The following FRMPD3 variants were observed in gnomAD, a reference collection of about 807,000 sequenced individuals.
FRMPD3 encodes FERM and PDZ domain containing 3.
A neutral mutation model predicts 97.9 loss-of-function variants in FRMPD3; 42 were observed. The ratio of observed to expected loss-of-function variants is 0.43; its 90% CI spans 0.34 to 0.55. The LOEUF is 0.55. FRMPD3 is among the 20% of genes least tolerant of loss of function. The probability of loss-of-function intolerance (pLI) is 0.03; values close to 1 mark genes in which losing one functional copy is unlikely to be tolerated. For missense variants in FRMPD3, 1,303 were observed against 1,457.7 expected (o/e 0.89, Z 1.73); for synonymous variants, 577 against 581.1 (o/e 0.99, Z 0.10).
chrX:107,596,143 T>C (rs1465288253), intron 13 of FRMPD3, among the ~76,000 whole-genome samples: 1 of 110,932 alleles, frequency 9.0e-6, no homozygotes, highest in Non-Finnish European at 1.9e-5. Flanking sequence ...ATTGACTCTG[T>C]CAAACTGGAG....
intron 1 of FRMPD3, among the ~76,000 whole-genome samples, chrX:107,471,463 C>T (rs961626989): frequency 9.0e-6 from 1 of 111,098 alleles, no homozygotes; most frequent in East Asian, 2.8e-4. Flanking sequence ...CGCCATCCCC[C>T]CAACAGGCCC....
At chrX:107,580,845 T>A (rs1923348632) in intron 13 of FRMPD3, among the ~76,000 whole-genome samples, 1 of 110,880 alleles carries the variant, frequency 9.0e-6, no homozygotes. Flanking sequence ...CCAACCCCAC[T>A]CATTGATTCT....
intron 13 of FRMPD3, among the ~76,000 whole-genome samples, chrX:107,590,176 A>C (rs1000017439): frequency 2.7e-5 from 3 of 111,944 alleles, no homozygotes; most frequent in Non-Finnish European, 3.8e-5. Context: ...TACAAAAAAA[A>C]CTGATTTTTT....
chrX:107,523,003 C>T (rs1922565086), intron 1 of FRMPD3, among the ~76,000 whole-genome samples: 1 of 111,567 alleles, frequency 9.0e-6, no homozygotes, highest in Admixed American at 9.5e-5. Context: ...AGAAGCCAAA[C>T]ATCTTTCAAA....
chrX:107,582,852 CTT>C (rs1300290630), intron 13 of FRMPD3, among the ~76,000 whole-genome samples: 1 of 111,492 alleles, frequency 9.0e-6, no homozygotes, highest in Non-Finnish European at 1.9e-5. Flanking sequence ...TTCTGGGTCT[CTT>C]GTGATTCTAT....
At chrX:107,525,796 C>T in intron 1 of FRMPD3, 2 of 455,251 alleles carry the variant, frequency 4.4e-6, no homozygotes, top group Non-Finnish European at 7.9e-6. Flanking sequence ...TCAAGATGAG[C>T]CAGGCATGGT....
At chrX:107,480,895 G>GGAAGGAAGGAAGGAAGGAAA in intron 1 of FRMPD3, among the ~76,000 whole-genome samples, 1 of 60,601 alleles carries the variant, frequency 1.7e-5, no homozygotes, top group African/African-American at 5.7e-5. Flanking sequence ...AAGGAAGGAA[G>GGAAGGAAGGAAGGAAGGAAA]GAAAGAAAGA....
At chrX:107,552,733 A>G (rs748602522) in intron 6 of FRMPD3, 62 bp from the exon 7 acceptor site, 190 of 1,143,796 alleles carry the variant, frequency 1.7e-4, no homozygotes, top group Non-Finnish European at 2.1e-4. Flanking sequence ...CCCATGTTTG[A>G]TGCTTAGAAT....
chrX:107,559,506 C>G (rs1427007390), intron 8 of FRMPD3, among the ~76,000 whole-genome samples: 1 of 111,770 alleles, frequency 8.9e-6, no homozygotes, highest in Non-Finnish European at 1.9e-5. Context: ...CATAGATGAT[C>G]ATTGATGATG....
chrX:107,572,908 C>CTAATAATAATAATAA (rs374047113), intron 12 of FRMPD3, among the ~76,000 whole-genome samples: 3 of 101,001 alleles, frequency 3.0e-5, no homozygotes, highest in African/African-American at 1.1e-4. Flanking sequence ...ACTACTACTA[C>CTAATAATAATAATAA]TAATAATAAT....
intron 4 of FRMPD3, among the ~76,000 whole-genome samples, chrX:107,534,812 C>T (rs1218554278): frequency 8.9e-6 from 1 of 112,175 alleles, no homozygotes; most frequent in Non-Finnish European, 1.9e-5. Context: ...CCCACTCATA[C>T]CCATACATAT....
chrX:107,457,140 G>A (rs1410854806), intron 1 of FRMPD3, among the ~76,000 whole-genome samples: 2 of 110,827 alleles, frequency 1.8e-5, no homozygotes, highest in East Asian at 5.7e-4. Context: ...AGAAGGATGA[G>A]TTTTTAATGA....
chrX:107,568,728 C>T (rs1247621443), intron 12 of FRMPD3, among the ~76,000 whole-genome samples: 8 of 108,992 alleles, frequency 7.3e-5, no homozygotes, highest in Middle Eastern at 9.6e-3. Flanking sequence ...AGTGAGACTC[C>T]GTCTCAAAAA....
chrX:107,455,990 G>C (rs1020357776), intron 1 of FRMPD3, among the ~76,000 whole-genome samples: 1 of 111,592 alleles, frequency 9.0e-6, no homozygotes, highest in Admixed American at 9.5e-5. Context: ...TAGGGTGGCT[G>C]TGTCATAGAG....
chrX:107,450,562 CCACACACACACA>C (rs561898459), intron 1 of FRMPD3, among the ~76,000 whole-genome samples: 9 of 84,301 alleles, frequency 1.1e-4, no homozygotes, highest in Admixed American at 3.7e-4. Context: ...CATGCAAAGA[CCACACACACACA>C]CACACACACA....
intron 1 of FRMPD3, among the ~76,000 whole-genome samples, chrX:107,462,607 C>T (rs904682814): frequency 9.0e-6 from 1 of 111,696 alleles, no homozygotes; most frequent in Admixed American, 9.5e-5. Context: ...TGCAAAATGC[C>T]CTGGAATTCT....
intron 1 of FRMPD3, among the ~76,000 whole-genome samples, chrX:107,518,761 C>T (rs1250910712): frequency 2.7e-5 from 3 of 111,964 alleles, no homozygotes; most frequent in Non-Finnish European, 5.6e-5. Context: ...AATACAGGGG[C>T]TGCAACAGAT....
chrX:107,577,275 G>A (rs756374512), intron 13 of FRMPD3, among the ~76,000 whole-genome samples: 6 of 107,871 alleles, frequency 5.6e-5, no homozygotes, highest in Non-Finnish European at 1.2e-4. Context: ...CCTGAGGTCA[G>A]GAGTTTGAGA....
intron 1 of FRMPD3, among the ~76,000 whole-genome samples, chrX:107,511,647 C>T (rs1433356220): frequency 8.9e-6 from 1 of 112,945 alleles, no homozygotes; most frequent in Non-Finnish European, 1.9e-5. Context: ...GCAGCAGGCA[C>T]CTGCCAAACA....
Sources: allele counts gnomAD v4.1 joint callset (sites outside exome capture counted in the v4.1 genomes callset), GRCh38; gene constraint gnomAD v4.1.1; transcripts MANE v1.5; gene names NCBI Gene and HGNC (gene_info 2026-07-23, HGNC 2026-07-21).